Variants in MACROD2 observed in about 807,000 individuals in gnomAD.
MACROD2 encodes the protein ADP-ribose glycohydrolase MACROD2.
MACROD2 carries 36 observed loss-of-function variants against 70.4 expected under a neutral mutation model. The observed-to-expected ratio is 0.51, with a 90% CI of 0.39 to 0.68. The LOEUF is 0.68. Ranked by LOEUF, MACROD2 falls within the 30% of genes least tolerant of loss-of-function variation. The pLI is 0.00. For synonymous variants in MACROD2, 172 were observed against 178.8 expected, an observed-to-expected ratio of 0.96 and a Z score of 0.30; for missense variants, 496 against 538.4, an observed-to-expected ratio of 0.92 and a Z score of 0.78.
chr20:15,289,094 C>T (rs777755372), intron 6 of MACROD2, among the ~76,000 whole-genome samples: 5 of 152,074 alleles, frequency 3.3e-5, no homozygotes, highest in South Asian at 2.1e-4. Flanking sequence ...TGTGCCTGCC[C>T]GCCTCACCCA....
At chr20:14,802,769 T>TACAC (rs1289331259) in intron 5 of MACROD2, among the ~76,000 whole-genome samples, 13 of 56,852 alleles carry the variant, frequency 2.3e-4, no homozygotes, top group African/African-American at 6.9e-4. Flanking sequence ...AGCACACACA[T>TACAC]ACACACATAC....
intron 3 of MACROD2, chr20:14,128,346 C>G (rs1045990117): frequency 8.2e-5 from 13 of 157,906 alleles, no homozygotes; most frequent in Non-Finnish European, 1.4e-4. Context: ...AAACAAAATG[C>G]CTTCATTATG....
At chr20:14,660,569 G>A (rs1986176614) in intron 4 of MACROD2, among the ~76,000 whole-genome samples, 1 of 151,964 alleles carries the variant, frequency 6.6e-6, no homozygotes, top group Non-Finnish European at 1.5e-5. Flanking sequence ...AAGATTCAGG[G>A]GGTACATAAG....
intron 8 of MACROD2, among the ~76,000 whole-genome samples, chr20:15,680,440 C>T (rs142537247): frequency 2.2e-3 from 340 of 152,246 alleles, no homozygotes; most frequent in Non-Finnish European, 3.6e-3. Context: ...AAGGGACTGT[C>T]CTGATAGAAT....
rs375436207 is a variant in MACROD2 at position 15,502,400 on chromosome 20, G to A, written c.645+2553G>A. 2.2e-4 allele frequency among the ~76,000 whole-genome samples: 33 copies of A among 152,288 alleles called. No individual in the cohort carries two copies. The South Asian group carries it at 6.4e-3, about 30-fold the overall frequency. ...AAGCAGAGAGACGAAAGAATGGCAG[G>A]AGACAAGTTTGGAGAAATAGACAGA... On this transcript the variant is annotated intron_variant, in intron 8 of 17. Transcript: ENST00000684519.
chr20:14,000,739 A>C (rs1348707943), intron 1 of MACROD2, among the ~76,000 whole-genome samples: 1 of 152,202 alleles, frequency 6.6e-6, no homozygotes, highest in Non-Finnish European at 1.5e-5. Flanking sequence ...AATTATTTGC[A>C]TGTTTTCCTG....
At chr20:14,896,649 T>C (rs1336451305) in intron 5 of MACROD2, among the ~76,000 whole-genome samples, 1 of 142,758 alleles carries the variant, frequency 7.0e-6, no homozygotes, top group East Asian at 2.1e-4. Flanking sequence ...TGAGTTTCCA[T>C]AAAAAAAAAA....
chr20:15,094,476 A>G (rs989340520), intron 5 of MACROD2, among the ~76,000 whole-genome samples: 7 of 152,184 alleles, frequency 4.6e-5, no homozygotes, highest in Non-Finnish European at 7.4e-5. Flanking sequence ...TAAATATGTC[A>G]AGCCTGTAGT....
At chr20:14,862,700 A>AAT (rs1237407076) in intron 5 of MACROD2, among the ~76,000 whole-genome samples, 2 of 60,270 alleles carry the variant, frequency 3.3e-5, no homozygotes, top group African/African-American at 1.3e-4. Context: ...AATATATATA[A>AAT]ATATATATAT....
At chr20:14,003,352 T>C (rs935796181) in intron 2 of MACROD2, among the ~76,000 whole-genome samples, 3 of 152,118 alleles carry the variant, frequency 2.0e-5, no homozygotes, top group African/African-American at 7.2e-5. Context: ...AGGCAAAGCA[T>C]GTGGGATTAG....
At chr20:15,935,045 G>T (rs745509603) in intron 11 of MACROD2, among the ~76,000 whole-genome samples, 1 of 151,964 alleles carries the variant, frequency 6.6e-6, no homozygotes, top group African/African-American at 2.4e-5. Flanking sequence ...ATGTACACAC[G>T]CACACTCACA....
At chr20:15,670,950 T>C (rs981031731) in intron 8 of MACROD2, among the ~76,000 whole-genome samples, 1 of 150,600 alleles carries the variant, frequency 6.6e-6, no homozygotes, top group African/African-American at 2.5e-5. Flanking sequence ...TGAGCTGTGT[T>C]TTATGATAAA....
intron 11 of MACROD2, among the ~76,000 whole-genome samples, chr20:15,935,262 T>C (rs2065641381): frequency 6.6e-6 from 1 of 152,142 alleles, no homozygotes; most frequent in Non-Finnish European, 1.5e-5. Context: ...TAGGGGCACT[T>C]CTCAATGTGA....
intron 2 of MACROD2, among the ~76,000 whole-genome samples, chr20:14,047,454 CAAA>C (rs11479438): frequency 7.1e-5 from 7 of 99,178 alleles, no homozygotes; most frequent in East Asian, 2.9e-4. Flanking sequence ...GACTCCGTCT[CAAA>C]AAAAAAAAAA....
chr20:14,877,825 A>G (rs1047329572), intron 5 of MACROD2, among the ~76,000 whole-genome samples: 1 of 152,054 alleles, frequency 6.6e-6, no homozygotes, highest in Admixed American at 6.5e-5. Flanking sequence ...AATAAAGCCC[A>G]TTTGATCATG....
At chr20:15,332,530 G>T (rs79657930) in intron 6 of MACROD2, among the ~76,000 whole-genome samples, 1,633 of 151,660 alleles carry the variant, frequency 0.011, 75 homozygotes, top group African/African-American at 0.037. Context: ...CTTTAAATAT[G>T]GGATTCCTAA....
chr20:14,763,808 A>C (rs1256522004), intron 5 of MACROD2, among the ~76,000 whole-genome samples: 1 of 152,086 alleles, frequency 6.6e-6, no homozygotes, highest in Non-Finnish European at 1.5e-5. Flanking sequence ...GTCTAGTGGC[A>C]GCTGTACATC....
chr20:14,199,155 A>G (rs1162706290), intron 3 of MACROD2, among the ~76,000 whole-genome samples: 2 of 152,224 alleles, frequency 1.3e-5, no homozygotes, highest in East Asian at 1.9e-4. Context: ...CATAGAATAC[A>G]TACAGCTTTT....
At chr20:15,799,946 C>CT (rs1421094763) in intron 8 of MACROD2, among the ~76,000 whole-genome samples, 6 of 151,460 alleles carry the variant, frequency 4.0e-5, no homozygotes, top group African/African-American at 1.5e-4. Context: ...TTTTCTTTTT[C>CT]TTTTTTTCGT....
Sources: allele counts gnomAD v4.1 joint callset (sites outside exome capture counted in the v4.1 genomes callset), GRCh38; gene constraint gnomAD v4.1.1; transcripts MANE v1.5; gene names NCBI Gene and HGNC (gene_info 2026-07-23, HGNC 2026-07-21).